The following CACNG3 variants were observed in gnomAD, a reference collection of about 807,000 sequenced individuals.
The protein encoded by CACNG3 is calcium voltage-gated channel auxiliary subunit gamma 3.
CACNG3 carries 3 observed loss-of-function variants against 28.5 expected under a neutral mutation model. The ratio of observed to expected loss-of-function variants is 0.11; its 90% confidence interval spans 0.05 to 0.27. The LOEUF is 0.27. Among genes scored for constraint, CACNG3 ranks in the 10% least tolerant of loss-of-function variants. The pLI, the probability that CACNG3 is intolerant of heterozygous loss-of-function variation, is 1.00. For synonymous variants in CACNG3, 174 were observed against 162.2 expected, an observed-to-expected ratio of 1.07 and a Z score of -0.55; for missense variants, 236 against 414.4, an observed-to-expected ratio of 0.57 and a Z score of 3.74.
intron 1 of CACNG3, among the ~76,000 whole-genome samples, chr16:24,331,022 GTC>G (rs142986299): frequency 9.3e-5 from 14 of 150,362 alleles, no homozygotes; most frequent in East Asian, 1.9e-4. Flanking sequence ...CATTCTCTCT[GTC>G]TCTCTCTCTC....
At chr16:24,257,135 A>T (rs1242993547) in intron 1 of CACNG3, among the ~76,000 whole-genome samples, 170 bp downstream of exon 1, 1 of 152,076 alleles carries the variant, frequency 6.6e-6, no homozygotes, top group Non-Finnish European at 1.5e-5. Flanking sequence ...ATGTGGGTTA[A>T]AGGGGTTGGG....
rs184862068 is a variant in CACNG3, at chr16:24,301,146, G to A, written c.211+44181G>A. The stretch of plus-strand genomic sequence containing the variant: ...GAATCACTTGAACCCAGGAGGCAGA[G>A]GTTGCTGTGAACTGAGATTGTGCCA... On this transcript the variant is annotated intron_variant, in intron 1 of 3. Coordinates refer to ENST00000005284, the MANE Select transcript of CACNG3 (RefSeq NM_006539.4). 2.9e-3 allele frequency among the ~76,000 whole-genome samples: 434 copies of A among 151,462 alleles called. 1 individual carries two copies. The highest frequency in any genetic ancestry group is 6.8e-3 in the Middle Eastern group (2 of 292).
chr16:24,290,668 G>T (rs1898954672), intron 1 of CACNG3, among the ~76,000 whole-genome samples: 1 of 152,164 alleles, frequency 6.6e-6, no homozygotes, highest in South Asian at 2.1e-4. Context: ...TGAAGTCCTA[G>T]GCTCAAGTGG....
intron 1 of CACNG3, among the ~76,000 whole-genome samples, chr16:24,265,416 AAAG>A (rs1898595263): frequency 8.6e-6 from 1 of 116,708 alleles, no homozygotes; most frequent in Non-Finnish European, 1.7e-5. Flanking sequence ...AAGAAAGAAG[AAAG>A]AAGGAAGGAA....
At position 24,361,714 on chromosome 16, in the gene CACNG3, C is replaced by T. The variant is rs1268507884; in HGVS notation, c.799C>T (p.Leu267Phe). Residue 267 changes from leucine (L) to phenylalanine (F), a missense_variant, in exon 4 of 4, where the codon CTC (leucine) becomes TTC (phenylalanine). Leu to Phe is a conservative substitution (Grantham distance 22, BLOSUM62 0). Coordinates refer to ENST00000005284, the MANE Select transcript of CACNG3 (RefSeq NM_006539.4). This position sits in a 1 kb window ranked among gnomAD's most constrained non-coding sequence, Gnocchi z 6.8. ...TTCCACTGACATCTCGATGTTCACC[C>T]TCTCCCGGGACCCCTCAAAGATCAC... ...IPSTDISMFT[L>F]SRDPSKITMG... The T allele has an allele frequency of 6.2e-7, 1 of 1,614,012 alleles. No homozygotes were observed. Among genetic ancestry groups the T allele is most frequent in the South Asian group, 1.1e-5 (1 of 91,048 alleles).
At chr16:24,269,747 A>T (rs1229724740) in intron 1 of CACNG3, among the ~76,000 whole-genome samples, 1 of 39,572 alleles carries the variant, frequency 2.5e-5, no homozygotes, top group Non-Finnish European at 4.1e-5. Flanking sequence ...ACTCCATCTC[A>T]AAAAAAAAAA....
intron 1 of CACNG3, among the ~76,000 whole-genome samples, chr16:24,338,615 G>C (rs1353336469): frequency 6.6e-6 from 1 of 152,158 alleles, no homozygotes; most frequent in South Asian, 2.1e-4. Flanking sequence ...AAAGTGCTGG[G>C]ATTACAGGCA....
chr16:24,258,072 A>C (rs1898492085), intron 1 of CACNG3, among the ~76,000 whole-genome samples: 1 of 152,154 alleles, frequency 6.6e-6, no homozygotes, highest in African/African-American at 2.4e-5. Flanking sequence ...TGGGCAAGGA[A>C]ATCTGCGTTT....
chr16:24,277,779 CA>C (rs34379768), intron 1 of CACNG3, among the ~76,000 whole-genome samples: 15,313 of 97,522 alleles, frequency 0.16, 895 homozygotes, highest in East Asian at 0.41. Flanking sequence ...GACTCCATCT[CA>C]AAAAAAAAAA....
chr16:24,298,961 A>G (rs2107118), intron 1 of CACNG3, among the ~76,000 whole-genome samples: 82,633 of 151,996 alleles, frequency 0.54, 22,897 homozygotes, highest in South Asian at 0.63. Context: ...AGGACATGCT[A>G]TCAACATGAC....
Position 24,361,888 on chromosome 16 carries a change from GC to G in CACNG3, c.*28del, listed in dbSNP as rs1567227943. On this transcript the variant is annotated 3_prime_UTR_variant, in exon 4 of 4. Transcript: ENST00000005284. This position sits in a 1 kb window ranked among gnomAD's most constrained non-coding sequence, Gnocchi z 6.8. Reference sequence around the variant, plus strand: ...AACTGACCTCTGACCTCTGCCCCACGCCCAGCACAGCCTTGGGGGAAGTGTA... The same window carrying G: ...AACTGACCTCTGACCTCTGCCCCACGCCAGCACAGCCTTGGGGGAAGTGTA... 6.3e-7 allele frequency: 1 copy of G among 1,576,456 alleles called. No homozygotes were observed. The highest frequency in any genetic ancestry group is 1.2e-5 in the South Asian group (1 of 85,948).
At chr16:24,271,453 C>A (rs1246650126) in intron 1 of CACNG3, among the ~76,000 whole-genome samples, 1 of 152,164 alleles carries the variant, frequency 6.6e-6, no homozygotes, top group Non-Finnish European at 1.5e-5. Context: ...CTCCTAGAAT[C>A]ATCATTCTTG....
chr16:24,339,227 A>G (rs1899750074), intron 1 of CACNG3, among the ~76,000 whole-genome samples: 1 of 152,196 alleles, frequency 6.6e-6, no homozygotes, highest in South Asian at 2.1e-4. Flanking sequence ...CTGTATTGAA[A>G]AAATATCATA....
Position 24,344,496 on chromosome 16 carries a change from C to G in CACNG3, c.212-2238C>G, listed in dbSNP as rs183161604. 1.4e-4 allele frequency among the ~76,000 whole-genome samples: 21 copies of G among 152,106 alleles called. No homozygotes were observed. In the East Asian group the frequency reaches 3.9e-3, roughly 28 times the overall value. On this transcript the variant is annotated intron_variant, in intron 1 of 3. Coordinates refer to ENST00000005284, the MANE Select transcript of CACNG3 (RefSeq NM_006539.4). The stretch of plus-strand genomic sequence containing the variant: ...TGTGTTACTTATTATGATTTCTTAT[C>G]CAGTCAACTGGAAGGGGATGGGGCT...
chr16:24,295,574 T>C (rs1899020975), intron 1 of CACNG3, among the ~76,000 whole-genome samples: 1 of 152,164 alleles, frequency 6.6e-6, no homozygotes, highest in African/African-American at 2.4e-5. Flanking sequence ...ATGCCAGGTG[T>C]GGTGGCTCAT....
At chr16:24,260,059 C>T (rs991404688) in intron 1 of CACNG3, among the ~76,000 whole-genome samples, 4 of 152,200 alleles carry the variant, frequency 2.6e-5, no homozygotes, top group Non-Finnish European at 5.9e-5. Flanking sequence ...ATGATCCCAT[C>T]ACTCAAGGAG....
In CACNG3 at chr16:24,349,413, T is replaced by C. The variant is rs1490330462; in HGVS notation, c.295+2596T>C. On this transcript the variant is annotated intron_variant, in intron 2 of 3. Transcript: ENST00000005284. ...AAGAAACAAAAGAACGGCTACTGTA[T>C]TGACAGAGCAGTGGCATGGACTGCT... 1.3e-5 allele frequency among the ~76,000 whole-genome samples: 2 copies of C among 152,220 alleles called. 1 individual carries two copies. Among genetic ancestry groups the C allele is most frequent in the East Asian group, 3.9e-4 (2 of 5,192 alleles).
intron 1 of CACNG3, among the ~76,000 whole-genome samples, chr16:24,338,291 A>G (rs1305026445): frequency 6.6e-6 from 1 of 151,900 alleles, no homozygotes; most frequent in Non-Finnish European, 1.5e-5. Context: ...CCCCCACCCA[A>G]TGAAGAGTTG....
At chr16:24,326,417 C>A (rs186782028) in intron 1 of CACNG3, among the ~76,000 whole-genome samples, 2 of 152,118 alleles carry the variant, frequency 1.3e-5, no homozygotes, top group African/African-American at 2.4e-5. Flanking sequence ...GTGATCCGCC[C>A]GCCTCGGCCT....
Sources: allele counts gnomAD v4.1 joint callset (sites outside exome capture counted in the v4.1 genomes callset), GRCh38; gene constraint gnomAD v4.1.1; non-coding constraint Gnocchi (gnomAD v3.1); transcripts MANE v1.5; gene names NCBI Gene and HGNC (gene_info 2026-07-23, HGNC 2026-07-21).